GPC6: variants seen among roughly 807,000 people sequenced by gnomAD.
The protein encoded by GPC6 is glypican 6.
GPC6 carries 14 observed loss-of-function variants against 55.2 expected under a neutral mutation model. That is an observed-to-expected ratio of 0.25 (90% CI 0.17 to 0.40). The LOEUF (loss-of-function observed/expected upper bound fraction) is 0.40, where lower values mean the gene tolerates loss of function less well. Ranked by LOEUF, GPC6 falls within the 10% of genes least tolerant of loss-of-function variation. The pLI is 1.00. For missense variants in GPC6, 641 were observed against 708.5 expected (o/e 0.90, Z 1.08); for synonymous variants, 278 against 259.6 (o/e 1.07, Z -0.68).
At chr13:93,764,104 C>T (rs1431468081) in intron 2 of GPC6, among the ~76,000 whole-genome samples, 2 of 152,128 alleles carry the variant, frequency 1.3e-5, no homozygotes, top group Admixed American at 1.3e-4. Context: ...CTTAGAGATA[C>T]TCCTCTTAAT....
chr13:94,022,963 A>G (rs1882758765), intron 3 of GPC6, among the ~76,000 whole-genome samples: 1 of 152,086 alleles, frequency 6.6e-6, no homozygotes, highest in Non-Finnish European at 1.5e-5. Flanking sequence ...TAATGTTGTC[A>G]TCATCAGCTT....
At chr13:94,336,371 A>G (rs1004499760) in intron 6 of GPC6, among the ~76,000 whole-genome samples, 3 of 152,152 alleles carry the variant, frequency 2.0e-5, no homozygotes, top group Non-Finnish European at 4.4e-5. Flanking sequence ...ATTGCCCCCA[A>G]AGACCATCCT....
At chr13:93,479,673 A>G (rs1005655245) in intron 1 of GPC6, among the ~76,000 whole-genome samples, 1 of 151,678 alleles carries the variant, frequency 6.6e-6, no homozygotes. Context: ...ATCAAAAGTT[A>G]GAAGATTTAA....
intron 4 of GPC6, among the ~76,000 whole-genome samples, chr13:94,274,571 G>C (rs567976665): frequency 1.6e-4 from 25 of 152,064 alleles, no homozygotes; most frequent in Non-Finnish European, 1.5e-4. Context: ...CACCATACAG[G>C]GTTGGCAGAA....
chr13:93,775,362 A>G lies in GPC6; in HGVS notation c.320-54792A>G, dbSNP rs112955917. 7.2e-3 allele frequency among the ~76,000 whole-genome samples: 1,102 copies of G among 152,314 alleles called. 15 individuals carry two copies. The highest frequency in any genetic ancestry group is 0.025 in the African/African-American group (1,034 of 41,586). On this transcript the variant is annotated intron_variant, in intron 2 of 8. Transcript: ENST00000377047. ...TACAGATGAGGAAACTGAGGCCAAA[A>G]GAAGTTCAATTACAGGCTTAGAGTC...
intron 6 of GPC6, among the ~76,000 whole-genome samples, chr13:94,379,778 A>G (rs891841511): frequency 1.3e-5 from 2 of 152,218 alleles, no homozygotes; most frequent in Admixed American, 1.3e-4. Flanking sequence ...AAATAGGACT[A>G]TTAGTCACTT....
chr13:94,379,873 A>G (rs369766939), intron 6 of GPC6, among the ~76,000 whole-genome samples: 7 of 152,240 alleles, frequency 4.6e-5, no homozygotes, highest in African/African-American at 1.7e-4. Context: ...GAGAATCAGA[A>G]AAATAAGCCA....
chr13:93,960,786 C>G (rs1320421128), intron 3 of GPC6, among the ~76,000 whole-genome samples: 2 of 150,894 alleles, frequency 1.3e-5, no homozygotes, highest in African/African-American at 4.9e-5. Flanking sequence ...AAAATATAAC[C>G]AGTTTATTGC....
chr13:94,282,748 C>A (rs1303785005), intron 4 of GPC6, among the ~76,000 whole-genome samples: 1 of 152,180 alleles, frequency 6.6e-6, no homozygotes, highest in African/African-American at 2.4e-5. Flanking sequence ...CCTACACATG[C>A]CCTCTCCAAC....
chr13:94,152,349 C>T (rs1264469795), intron 4 of GPC6, among the ~76,000 whole-genome samples: 3 of 152,166 alleles, frequency 2.0e-5, no homozygotes, highest in African/African-American at 7.2e-5. Context: ...TCCAGTCAAT[C>T]ATTGCTTGGG....
At chr13:93,942,652 G>A (rs79815191) in intron 3 of GPC6, among the ~76,000 whole-genome samples, 3,669 of 152,234 alleles carry the variant, frequency 0.024, 57 homozygotes, top group Middle Eastern at 0.051. Context: ...TCATGAAAGT[G>A]GCATTTCATC....
chr13:93,399,047 TACACACACACACAGACAC>T (rs991581145), intron 1 of GPC6, among the ~76,000 whole-genome samples: 7 of 98,344 alleles, frequency 7.1e-5, no homozygotes, highest in Admixed American at 3.8e-4. Flanking sequence ...ATCTCTCTCC[TACACACACACACAGACAC>T]ACACACACAC....
chr13:93,806,182 G>A (rs1886537334), intron 2 of GPC6, among the ~76,000 whole-genome samples: 1 of 152,172 alleles, frequency 6.6e-6, no homozygotes, highest in Non-Finnish European at 1.5e-5. Context: ...ACCGGGAATG[G>A]AGGAGAGGTT....
chr13:93,836,564 G>A (rs981584182), intron 3 of GPC6, among the ~76,000 whole-genome samples: 7 of 152,064 alleles, frequency 4.6e-5, no homozygotes, highest in African/African-American at 1.4e-4. Flanking sequence ...TTTCTATGTA[G>A]ATTACTTCAA....
chr13:93,314,761 GCA>G (rs1399396717), intron 1 of GPC6, among the ~76,000 whole-genome samples: 8 of 138,090 alleles, frequency 5.8e-5, no homozygotes, highest in African/African-American at 1.3e-4. Context: ...GTGTGTGCAC[GCA>G]TGTGCTGAGA....
intron 2 of GPC6, among the ~76,000 whole-genome samples, chr13:93,629,015 G>T (rs1257447047): frequency 7.0e-6 from 1 of 142,628 alleles, no homozygotes; most frequent in Non-Finnish European, 1.5e-5. Flanking sequence ...AACATGAGAT[G>T]TAAAACTGTA....
chr13:94,382,557 G>T lies in GPC6; in HGVS notation c.1289+7G>T, dbSNP rs759403966. On this transcript the variant is annotated splice_region_variant and intron_variant, in intron 7 of 8. Coordinates refer to ENST00000377047, the MANE Select transcript of GPC6 (RefSeq NM_005708.5). The stretch of plus-strand genomic sequence containing the variant: ...ACGGGCACAGCAAAGCCAGGTGAGG[G>T]TGACTCGATGTGTGCATGGATGGGG... 1.5e-5 allele frequency: 25 copies of T among 1,613,920 alleles called. No individual in the cohort carries two copies. The highest frequency in any genetic ancestry group is 3.3e-5 in the South Asian group (3 of 91,080).
intron 2 of GPC6, among the ~76,000 whole-genome samples, chr13:93,752,947 A>T (rs1884647551): frequency 6.6e-6 from 1 of 152,220 alleles, no homozygotes; most frequent in Non-Finnish European, 1.5e-5. Flanking sequence ...AGTGTCCAAC[A>T]GTCTCCCCTT....
chr13:93,871,978 CAAAA>C (rs1889146067), intron 3 of GPC6, among the ~76,000 whole-genome samples: 1 of 151,444 alleles, frequency 6.6e-6, no homozygotes, highest in Non-Finnish European at 1.5e-5. Context: ...ATAAGAGGCA[CAAAA>C]GAAATAAATA....
Sources: gnomAD v4.1 joint callset for allele counts (sites outside exome capture counted in the v4.1 genomes callset) on GRCh38, gnomAD v4.1.1 for gene constraint, MANE v1.5 for transcripts, NCBI Gene and HGNC (gene_info 2026-07-23, HGNC 2026-07-21) for gene names.